Variants in SYCP1 observed in about 807,000 individuals in gnomAD.
SYCP1 encodes cancer/testis antigen 8.
Under a neutral mutation model 153.1 loss-of-function variants are expected in SYCP1, and 64 were observed. The observed-to-expected ratio is 0.42, with a 90% CI of 0.34 to 0.51. The LOEUF (loss-of-function observed/expected upper bound fraction) is 0.51, where lower values mean the gene tolerates loss of function less well. Ranked by LOEUF, SYCP1 falls within the 20% of genes least tolerant of loss-of-function variation. SYCP1 has a pLI of 0.06. For synonymous variants in SYCP1, 384 were observed against 341.8 expected (o/e 1.12, Z -1.36); for missense variants, 997 against 1,049.0 (o/e 0.95, Z 0.68).
At chr1:114,967,712 G>T (rs1340831652) in intron 27 of SYCP1, among the ~76,000 whole-genome samples, 1 of 152,070 alleles carries the variant, frequency 6.6e-6, no homozygotes, top group Non-Finnish European at 1.5e-5. Context: ...GTGTGAATTT[G>T]GTCCTGTCAT....
chr1:114,936,489 G>T lies in SYCP1; in HGVS notation c.1927-7850G>T, dbSNP rs1354285552. On this transcript the variant is annotated intron_variant, in intron 23 of 31. Transcript: ENST00000369522. The stretch of plus-strand genomic sequence containing the variant: ...CTGGAAGCATTCCCTTTGAAAACAG[G>T]CACAAGACAGGGATGCCCTCTCTCA... Among the ~76,000 whole-genome samples, 8 of 152,270 alleles carry T rather than the reference G, an allele frequency of 5.3e-5. No individual in the cohort carries two copies. In the East Asian group the frequency reaches 1.5e-3, roughly 29 times the overall value.
At chr1:114,948,126 T>A (rs551317115) in intron 27 of SYCP1, among the ~76,000 whole-genome samples, 1 of 152,164 alleles carries the variant, frequency 6.6e-6, no homozygotes, top group Non-Finnish European at 1.5e-5. Context: ...TATATTTAGA[T>A]ATGCTTTTTT....
Position 114,981,438 on chromosome 1 carries a change from C to A in SYCP1, c.2485C>A (p.His829Asn). 6.2e-7 allele frequency: 1 copy of A among 1,610,424 alleles called. No homozygotes were observed. The highest frequency in any genetic ancestry group is 1.3e-5 in the African/African-American group (1 of 74,824). Reference sequence around the variant, plus strand: ...ATCTCGAAATTTCACATCAGTTGATCATGGCATATCCAAAGATAAAAGAGA... The same window carrying A: ...ATCTCGAAATTTCACATCAGTTGATAATGGCATATCCAAAGATAAAAGAGA... ...TVSRNFTSVD[H>N]GISKDKRDYL... Residue 829 changes from histidine to asparagine, a missense_variant, in exon 29 of 32, where the codon CAT becomes AAT. By Grantham distance (68) the His-to-Asn change is moderately conservative. Transcript: ENST00000369522.
At chr1:114,967,995 G>T (rs1672245988) in intron 27 of SYCP1, among the ~76,000 whole-genome samples, 1 of 152,174 alleles carries the variant, frequency 6.6e-6, no homozygotes, top group Non-Finnish European at 1.5e-5. Flanking sequence ...TAAGAATGTT[G>T]AATATTGGCC....
chr1:114,987,632 T>C (rs904087526), intron 30 of SYCP1, among the ~76,000 whole-genome samples: 2 of 152,026 alleles, frequency 1.3e-5, no homozygotes, highest in African/African-American at 4.8e-5. Context: ...GTCACTACAC[T>C]CCAGCCTAGG....
chr1:114,869,505 G>A (rs1303197158), intron 8 of SYCP1, among the ~76,000 whole-genome samples: 1 of 152,150 alleles, frequency 6.6e-6, no homozygotes, highest in African/African-American at 2.4e-5. Context: ...TATGCATTCT[G>A]TTATTGTTGG....
chr1:114,941,495 G>A (rs567993324), intron 23 of SYCP1, among the ~76,000 whole-genome samples: 2 of 152,034 alleles, frequency 1.3e-5, no homozygotes, highest in African/African-American at 2.4e-5. Flanking sequence ...CATGTAGCCA[G>A]AGTTTATAAT....
intron 23 of SYCP1, among the ~76,000 whole-genome samples, chr1:114,937,754 C>A (rs540894235): frequency 6.6e-6 from 1 of 152,336 alleles, no homozygotes; most frequent in African/African-American, 2.4e-5. Flanking sequence ...ACAGACACTT[C>A]TCAAAAGAAG....
intron 8 of SYCP1, among the ~76,000 whole-genome samples, chr1:114,867,650 T>G (rs1570661328): frequency 6.6e-6 from 1 of 151,990 alleles, no homozygotes; most frequent in East Asian, 1.9e-4. Context: ...GTTCCAGGAT[T>G]TTTTTTTGTT....
At chr1:114,992,855 G>T (rs1035194875) in intron 30 of SYCP1, among the ~76,000 whole-genome samples, 5 of 151,488 alleles carry the variant, frequency 3.3e-5, no homozygotes, top group Non-Finnish European at 7.4e-5. Flanking sequence ...AAGGTAAATA[G>T]TGAGAGGAAA....
chr1:114,943,935 A>T (rs916435660), intron 23 of SYCP1, among the ~76,000 whole-genome samples: 1 of 151,910 alleles, frequency 6.6e-6, no homozygotes, highest in East Asian at 1.9e-4. Context: ...TGTGAAAATA[A>T]TATAAATGGA....
intron 27 of SYCP1, among the ~76,000 whole-genome samples, chr1:114,969,770 T>C (rs1405787457): frequency 6.6e-6 from 1 of 152,052 alleles, no homozygotes; most frequent in African/African-American, 2.4e-5. Flanking sequence ...AGGGCCCTGG[T>C]TGTGTAGGCA....
chr1:114,855,736 A>T (rs1169034004), intron 2 of SYCP1, among the ~76,000 whole-genome samples, 164 bp downstream of exon 2: 1 of 152,206 alleles, frequency 6.6e-6, no homozygotes, highest in Non-Finnish European at 1.5e-5. Context: ...AGTGAGCATT[A>T]TTGTGTAGGC....
At chr1:114,956,009 G>T (rs1219958584) in intron 27 of SYCP1, among the ~76,000 whole-genome samples, 1 of 152,196 alleles carries the variant, frequency 6.6e-6, no homozygotes, top group African/African-American at 2.4e-5. Context: ...CATAATAGTT[G>T]TTTTGTGGCA....
intron 16 of SYCP1, among the ~76,000 whole-genome samples, chr1:114,899,011 A>T (rs761030216): frequency 2.0e-4 from 31 of 152,172 alleles, no homozygotes; most frequent in Non-Finnish European, 3.8e-4. Flanking sequence ...GTGTGAGGCC[A>T]GTTTTTTCCC....
chr1:114,975,297 A>G (rs1252591557), intron 27 of SYCP1, among the ~76,000 whole-genome samples: 1 of 150,662 alleles, frequency 6.6e-6, no homozygotes, highest in Non-Finnish European at 1.5e-5. Context: ...TTCACTACAT[A>G]TTCACTACAT....
At chr1:114,982,774 T>G (rs897481255) in intron 29 of SYCP1, among the ~76,000 whole-genome samples, 2 of 151,954 alleles carry the variant, frequency 1.3e-5, no homozygotes, top group African/African-American at 4.8e-5. Flanking sequence ...GGGCCATACT[T>G]TCTTCTTTCT....
At chr1:114,968,270 T>A (rs1468768324) in intron 27 of SYCP1, among the ~76,000 whole-genome samples, 2 of 152,256 alleles carry the variant, frequency 1.3e-5, no homozygotes, top group Non-Finnish European at 2.9e-5. Flanking sequence ...TCCTGAAGTG[T>A]GTTTTCCAAC....
intron 26 of SYCP1, among the ~76,000 whole-genome samples, chr1:114,946,954 C>T (rs1018491453): frequency 1.3e-5 from 2 of 152,092 alleles, no homozygotes; most frequent in Non-Finnish European, 2.9e-5. Flanking sequence ...CCATGTTGGC[C>T]AGGCTTTCCT....
Sources: allele counts gnomAD v4.1 joint callset (sites outside exome capture counted in the v4.1 genomes callset), GRCh38; gene constraint gnomAD v4.1.1; transcripts MANE v1.5; gene names NCBI Gene and HGNC (gene_info 2026-07-23, HGNC 2026-07-21).